The following LINGO1 variants were observed in gnomAD, a reference collection of about 807,000 sequenced individuals.
The protein encoded by LINGO1 is leucine-rich repeat and immunoglobulin-like domain-containing nogo receptor-interacting protein 1.
In LINGO1, 11 loss-of-function variants were observed where a neutral mutation model predicts 37.3. The ratio of observed to expected loss-of-function variants is 0.29; its 90% CI spans 0.19 to 0.49. The LOEUF is 0.49. LINGO1 is among the 20% of genes least tolerant of loss of function. The pLI is 0.99. For missense variants in LINGO1, 585 were observed against 878.2 expected, an observed-to-expected ratio of 0.67 and a Z score of 4.22; for synonymous variants, 387 against 403.0, an observed-to-expected ratio of 0.96 and a Z score of 0.48.
intron 3 of LINGO1, among the ~76,000 whole-genome samples, chr15:77,673,842 G>T (rs2075288411): frequency 6.6e-6 from 1 of 152,144 alleles, no homozygotes; most frequent in South Asian, 2.1e-4. Context: ...CGTGTCCACT[G>T]CTAGGGCTGG....
intron 1 of LINGO1, among the ~76,000 whole-genome samples, chr15:77,761,085 C>A (rs1185131567): frequency 1.3e-5 from 2 of 151,228 alleles, no homozygotes; most frequent in African/African-American, 4.9e-5. Context: ...TGCCACCATG[C>A]CTGGCTAATT....
At chr15:77,797,599 G>A (rs369652346) in intron 1 of LINGO1, among the ~76,000 whole-genome samples, 3 of 152,326 alleles carry the variant, frequency 2.0e-5, no homozygotes, top group East Asian at 1.9e-4. Flanking sequence ...AGCTGGCATC[G>A]AACCAGCACC....
intron 1 of LINGO1, among the ~76,000 whole-genome samples, chr15:77,750,911 T>C (rs1442148063): frequency 6.6e-6 from 1 of 152,128 alleles, no homozygotes; most frequent in East Asian, 1.9e-4. Flanking sequence ...AAGCCTACAC[T>C]GAAGGGACTC....
intron 2 of LINGO1, among the ~76,000 whole-genome samples, chr15:77,711,886 G>GGA (rs1555533330): frequency 2.0e-5 from 3 of 150,748 alleles, no homozygotes; most frequent in Non-Finnish European, 4.4e-5. Context: ...TCCTCTGAGG[G>GGA]GGGGGCACAC....
Position 77,632,253 on chromosome 15 carries a change from A to G in LINGO1, c.6+57T>C, listed in dbSNP as rs1596016923. The G allele has an allele frequency of 1.4e-5, 19 of 1,336,348 alleles. No homozygotes were observed. In the South Asian group the frequency reaches 3.7e-4, roughly 26 times the overall value. 82.8% of individuals were successfully genotyped at this position (1,336,348 alleles called of 1,614,324 possible). On this transcript the variant is annotated intron_variant, in intron 1 of 1. Coordinates refer to ENST00000355300, the MANE Select transcript of LINGO1 (RefSeq NM_032808.7). This position sits in a 1 kb window ranked among gnomAD's most constrained non-coding sequence, Gnocchi z 6.0. The stretch of plus-strand genomic sequence containing the variant: ...GCAGCCAGGGCCGATGGCGGCCCCC[A>G]GGGGCACTCGCCGCGGGGCTGCCCG...
At chr15:77,794,763 AT>A (rs1046919361) in intron 2 of LINGO1, among the ~76,000 whole-genome samples, 1 of 150,516 alleles carries the variant, frequency 6.6e-6, no homozygotes, top group Admixed American at 6.6e-5. Context: ...AATTTTTTGT[AT>A]TTTTTTTAGT....
intron 3 of LINGO1, among the ~76,000 whole-genome samples, chr15:77,663,286 G>A (rs1038775352): frequency 1.4e-5 from 2 of 143,836 alleles, no homozygotes; most frequent in African/African-American, 2.6e-5. Context: ...ATCAGTGGTC[G>A]GGGGTGGGGA....
upstream of LINGO1, chr15:77,787,178 G>C (rs2141437898): frequency 6.6e-6 from 1 of 152,436 alleles, no homozygotes; most frequent in South Asian, 2.1e-4. Context: ...AGCATAGCAG[G>C]TGTGGCATGG....
chr15:77,615,793 C>T lies in LINGO1; in HGVS notation c.114G>A (p.Ser38=), dbSNP rs371015975. 322 of 1,564,720 alleles carry T rather than the reference C, an allele frequency of 2.1e-4. 2 individuals carry two copies. The highest frequency in any genetic ancestry group is 1.7e-4 in the Non-Finnish European group (192 of 1,162,690). Residue 38 remains serine (S), a synonymous_variant, in exon 2 of 2, where the codon TCG becomes TCA. Transcript: ENST00000355300. ...LLVLGSVLSG[S]ATGCPPRCEC... ...CGCAGCGGGGCGGGCAGCCCGTGGC[C>T]GAGCCTGACAGCACTGAGCCCAGCA...
At chr15:77,773,710 C>T (rs1447442086) in intron 1 of LINGO1, among the ~76,000 whole-genome samples, 2 of 152,132 alleles carry the variant, frequency 1.3e-5, no homozygotes, top group Non-Finnish European at 2.9e-5. Flanking sequence ...TCACACTTGC[C>T]TGGGGTCACA....
chr15:77,713,333 C>T (rs2075943736), intron 2 of LINGO1, among the ~76,000 whole-genome samples: 1 of 151,946 alleles, frequency 6.6e-6, no homozygotes, highest in Admixed American at 6.6e-5. Context: ...CTGCCTCGGC[C>T]TCCCAAAGTG....
At chr15:77,688,534 C>T (rs576730831) in intron 2 of LINGO1, among the ~76,000 whole-genome samples, 6 of 152,250 alleles carry the variant, frequency 3.9e-5, no homozygotes, top group African/African-American at 9.6e-5. Flanking sequence ...GGGGCCACCG[C>T]GGCAGGCTTC....
chr15:77,643,844 G>C (rs900330533), intron 3 of LINGO1, among the ~76,000 whole-genome samples: 2 of 152,216 alleles, frequency 1.3e-5, no homozygotes, highest in African/African-American at 4.8e-5. Context: ...GAAAGGGCAG[G>C]GGGTGACAGC....
intron 3 of LINGO1, among the ~76,000 whole-genome samples, chr15:77,661,305 A>G (rs746673057): frequency 7.2e-5 from 11 of 152,180 alleles, no homozygotes; most frequent in Non-Finnish European, 1.6e-4. Flanking sequence ...CTTGCAGAAG[A>G]AGTTCTTGGA....
At chr15:77,650,327 T>C (rs995871911) in intron 3 of LINGO1, among the ~76,000 whole-genome samples, 1 of 151,300 alleles carries the variant, frequency 6.6e-6, no homozygotes, top group African/African-American at 2.4e-5. Flanking sequence ...AGCAAAAAAA[T>C]ATACATATTA....
At chr15:77,817,611 C>A (rs2077058783) in intron 1 of LINGO1, among the ~76,000 whole-genome samples, 1 of 152,138 alleles carries the variant, frequency 6.6e-6, no homozygotes, top group Non-Finnish European at 1.5e-5. Flanking sequence ...AAAGGTCCCA[C>A]AGGTCAGGAG....
chr15:77,810,838 G>A (rs1288483433), intron 1 of LINGO1, among the ~76,000 whole-genome samples: 2 of 152,182 alleles, frequency 1.3e-5, no homozygotes. Context: ...CCTTGGGCTG[G>A]CAGAGGGCAC....
At chr15:77,674,395 C>T (rs1325338457) in intron 3 of LINGO1, among the ~76,000 whole-genome samples, 2 of 152,234 alleles carry the variant, frequency 1.3e-5, no homozygotes, top group African/African-American at 4.8e-5. Flanking sequence ...TCCAATCATG[C>T]CATGTCACTA....
chr15:77,687,304 C>T (rs1596108693), intron 2 of LINGO1, among the ~76,000 whole-genome samples: 1 of 152,070 alleles, frequency 6.6e-6, no homozygotes, highest in Non-Finnish European at 1.5e-5. Flanking sequence ...GATCAAAGTT[C>T]AATCTGTCCA....
Sources: allele counts gnomAD v4.1 joint callset (sites outside exome capture counted in the v4.1 genomes callset), GRCh38; gene constraint gnomAD v4.1.1; non-coding constraint Gnocchi (gnomAD v3.1); transcripts MANE v1.5; gene names NCBI Gene and HGNC (gene_info 2026-07-23, HGNC 2026-07-21).